Variants in SPECC1L observed in about 807,000 individuals in gnomAD.
SPECC1L encodes the protein sperm antigen with calponin homology and coiled-coil domains 1 like.
In SPECC1L, 40 loss-of-function variants were observed where a neutral mutation model predicts 116.8. The ratio of observed to expected loss-of-function variants is 0.34; its 90% CI spans 0.27 to 0.45. The LOEUF (loss-of-function observed/expected upper bound fraction) is 0.45, where lower values mean the gene tolerates loss of function less well. Among genes scored for constraint, SPECC1L ranks in the 20% least tolerant of loss-of-function variants. The probability of loss-of-function intolerance (pLI) is 1.00; values close to 1 mark genes in which losing one functional copy is unlikely to be tolerated. For synonymous variants in SPECC1L, 504 were observed against 500.6 expected, an observed-to-expected ratio of 1.01 and a Z score of -0.09; for missense variants, 1,110 against 1,373.6, an observed-to-expected ratio of 0.81 and a Z score of 3.03.
At chr22:24,313,491 C>T (rs1383973356) in intron 4 of SPECC1L, 25 bp downstream of exon 4, 2 of 1,612,910 alleles carry the variant, frequency 1.2e-6, no homozygotes, top group Non-Finnish European at 1.7e-6. Context: ...CAGTCTGAGA[C>T]TTCAACTGCT....
intron 14 of SPECC1L, among the ~76,000 whole-genome samples, chr22:24,408,791 C>T (rs987086968): frequency 2.0e-5 from 3 of 152,262 alleles, no homozygotes; most frequent in Non-Finnish European, 4.4e-5. Flanking sequence ...GACACTGGAA[C>T]GTTCTGGGCA....
At position 24,336,308 on chromosome 22, in the gene SPECC1L, G is replaced by A. The variant is rs571598871; in HGVS notation, c.2560+1735G>A. ...CTATATGTGTGTGTGTACATATATAGTGTGTGTGGTCTTGTTTTTTTAAGG... is the reference window on the plus strand; with the variant it reads ...CTATATGTGTGTGTGTACATATATAATGTGTGTGGTCTTGTTTTTTTAAGG... On this transcript the variant is annotated intron_variant, in intron 9 of 16. Transcript: ENST00000314328. Among the ~76,000 whole-genome samples the A allele has an allele frequency of 9.2e-5, 14 of 151,932 alleles. 1 individual carries two copies. The South Asian group carries it at 2.9e-3, about 32-fold the overall frequency.
At chr22:24,317,687 G>T (rs1310023575) in intron 4 of SPECC1L, among the ~76,000 whole-genome samples, 1 of 152,164 alleles carries the variant, frequency 6.6e-6, no homozygotes, top group African/African-American at 2.4e-5. Flanking sequence ...CTCCTGGACG[G>T]GGTGGCTGCC....
chr22:24,297,419 G>A (rs1217111854), intron 2 of SPECC1L, among the ~76,000 whole-genome samples: 1 of 152,068 alleles, frequency 6.6e-6, no homozygotes, highest in Admixed American at 6.6e-5. Flanking sequence ...GTTTTATTAA[G>A]TGTATTACTA....
intron 11 of SPECC1L, among the ~76,000 whole-genome samples, chr22:24,358,433 C>G (rs181209386): frequency 6.6e-6 from 1 of 152,238 alleles, no homozygotes; most frequent in African/African-American, 2.4e-5. Context: ...TATTATATTC[C>G]TCTGCAGAAT....
chr22:24,362,048 T>C (rs1317379786), intron 11 of SPECC1L, among the ~76,000 whole-genome samples: 1 of 152,254 alleles, frequency 6.6e-6, no homozygotes, highest in East Asian at 1.9e-4. Flanking sequence ...CATTCTTGGC[T>C]GAGAGTCTTC....
chr22:24,307,152 T>G (rs2049515750), intron 3 of SPECC1L, among the ~76,000 whole-genome samples: 1 of 151,830 alleles, frequency 6.6e-6, no homozygotes, highest in Non-Finnish European at 1.5e-5. Flanking sequence ...CTTTCAATTT[T>G]GGGGGGGGTA....
At position 24,409,914 on chromosome 22, in the gene SPECC1L, C is replaced by T. The variant is rs536253243; in HGVS notation, c.3088-1674C>T. On this transcript the variant is annotated intron_variant, in intron 14 of 16. Coordinates refer to ENST00000314328, the MANE Select transcript of SPECC1L (RefSeq NM_015330.6). ...TGGTAGCACGTACCAGCCTGTAGTC[C>T]CAGCTACTCAGGAGGCTGAGGTAGG... Among the ~76,000 whole-genome samples, 509 of 152,230 alleles carry T rather than the reference C, an allele frequency of 3.3e-3. 1 individual carries two copies. Among genetic ancestry groups the T allele is most frequent in the Non-Finnish European group, 4.9e-3 (331 of 68,016 alleles).
chr22:24,298,072 A>G (rs983743223), intron 2 of SPECC1L, among the ~76,000 whole-genome samples: 2 of 152,166 alleles, frequency 1.3e-5, no homozygotes, highest in African/African-American at 4.8e-5. Context: ...AAGATTTTTC[A>G]ACTTTATGAT....
In SPECC1L at chr22:24,417,143, G is replaced by A. The variant is rs552669488; in HGVS notation, c.*2520G>A. On this transcript the variant is annotated 3_prime_UTR_variant, in exon 17 of 17. Transcript: ENST00000314328. ...TCAAGCACAAGCTTTACTGCAAAAG[G>A]GCCAGTCGCGTTTCTATTTCTCTCG... The A allele has an allele frequency of 3.4e-4, 52 of 152,694 alleles. 2 individuals carry two copies. The highest frequency in any genetic ancestry group is 3.1e-3 in the Admixed American group (47 of 15,296). 9.5% of individuals were successfully genotyped at this position (152,694 alleles called of 1,614,324 possible). A position where few individuals can be genotyped will look rare whatever the true frequency, so the allele number is the denominator to read the frequency against.
intron 10 of SPECC1L, among the ~76,000 whole-genome samples, chr22:24,344,131 G>A (rs1013109212): frequency 1.3e-5 from 2 of 152,006 alleles, no homozygotes; most frequent in African/African-American, 4.8e-5. Context: ...TTACCTGATA[G>A]CAAAACCAGA....
intron 10 of SPECC1L, among the ~76,000 whole-genome samples, chr22:24,341,590 G>A (rs959404980): frequency 3.9e-5 from 6 of 152,164 alleles, no homozygotes; most frequent in Admixed American, 2.6e-4. Context: ...AGCTATAGTA[G>A]GCAGCCTCTA....
intron 4 of SPECC1L, among the ~76,000 whole-genome samples, chr22:24,320,593 A>G (rs1415232274): frequency 2.6e-5 from 4 of 152,232 alleles, no homozygotes; most frequent in Admixed American, 2.6e-4. Flanking sequence ...CTTCATCTGT[A>G]AAACAAGGTG....
chr22:24,322,338 G>A lies in SPECC1L; in HGVS notation c.1358G>A (p.Ser453Asn). 1 of 1,614,226 alleles carries A rather than the reference G, an allele frequency of 6.2e-7. No homozygotes were observed. Among genetic ancestry groups the A allele is most frequent in the African/African-American group, 1.3e-5 (1 of 75,060 alleles). ...VILMESLCQQSDKLEHFSRQI... is the reference protein window; with the variant it reads ...VILMESLCQQNDKLEHFSRQI... The stretch of plus-strand genomic sequence containing the variant: ...CTGATGGAGTCTTTATGTCAGCAGA[G>A]CGATAAGTTGGAACACTTTAGTCGA... The change falls in exon 5 of 17, where the codon AGC (serine) becomes AAC (asparagine). Residue 453 changes from serine (S) to asparagine (N), a missense_variant. By Grantham distance (46) the Ser-to-Asn change is conservative (BLOSUM62 1). Coordinates refer to ENST00000314328, the MANE Select transcript of SPECC1L (RefSeq NM_015330.6).
At chr22:24,302,902 A>G (rs928018903) in intron 3 of SPECC1L, among the ~76,000 whole-genome samples, 1 of 152,136 alleles carries the variant, frequency 6.6e-6, no homozygotes, top group Non-Finnish European at 1.5e-5. Context: ...CACCACCACA[A>G]ATTGCTGTTC....
intron 14 of SPECC1L, among the ~76,000 whole-genome samples, chr22:24,374,721 A>G (rs973124248): frequency 3.3e-5 from 5 of 151,832 alleles, no homozygotes; most frequent in South Asian, 2.1e-4. Context: ...ACATGTATAC[A>G]TATGTAACTA....
chr22:24,316,344 C>T (rs551541855), intron 4 of SPECC1L, among the ~76,000 whole-genome samples: 3 of 150,142 alleles, frequency 2.0e-5, no homozygotes, highest in East Asian at 2.0e-4. Flanking sequence ...TTGGCAGGGT[C>T]ACAGGACAAT....
At chr22:24,299,024 A>G (rs1248050893) in intron 2 of SPECC1L, among the ~76,000 whole-genome samples, 1 of 152,228 alleles carries the variant, frequency 6.6e-6, no homozygotes, top group Non-Finnish European at 1.5e-5. Context: ...CTGAGTTGCC[A>G]AAATGACATA....
chr22:24,382,724 A>G (rs1245173795), intron 14 of SPECC1L, among the ~76,000 whole-genome samples: 5 of 150,286 alleles, frequency 3.3e-5, no homozygotes, highest in African/African-American at 1.2e-4. Context: ...AAAAAAAAAA[A>G]AAGAGTAATG....
Sources: gnomAD v4.1 joint callset for allele counts (sites outside exome capture counted in the v4.1 genomes callset) on GRCh38, gnomAD v4.1.1 for gene constraint, MANE v1.5 for transcripts, NCBI Gene and HGNC (gene_info 2026-07-23, HGNC 2026-07-21) for gene names.